Variants in CCNH observed in about 807,000 individuals in gnomAD.
CCNH encodes the protein cyclin-H.
In CCNH, 31 loss-of-function variants were observed where a neutral mutation model predicts 41.9. That is an observed-to-expected ratio of 0.74 (90% CI 0.56 to 1.00). The LOEUF (loss-of-function observed/expected upper bound fraction) is 1.00, where lower values mean the gene tolerates loss of function less well. Among genes scored for constraint, CCNH ranks in the 50% least tolerant of loss-of-function variants. The probability of loss-of-function intolerance (pLI) is 0.00; values close to 1 mark genes in which losing one functional copy is unlikely to be tolerated. For missense variants in CCNH, 362 were observed against 388.4 expected (o/e 0.93, Z 0.57); for synonymous variants, 138 against 136.1 (o/e 1.01, Z -0.10).
intron 9 of CCNH, among the ~76,000 whole-genome samples, chr5:87,360,344 G>T (rs867157261): frequency 6.6e-6 from 1 of 151,938 alleles, no homozygotes; most frequent in Non-Finnish European, 1.5e-5. Context: ...CAGGCTGGGC[G>T]AACTCCTGAC....
intron 9 of CCNH, among the ~76,000 whole-genome samples, chr5:87,353,714 G>C (rs574631087): frequency 6.6e-6 from 1 of 152,250 alleles, no homozygotes; most frequent in East Asian, 1.9e-4. Context: ...GTAAAGAGGA[G>C]AGTGAAGTTG....
intron 9 of CCNH, chr5:87,349,095 G>T: frequency 1.6e-6 from 2 of 1,228,738 alleles, no homozygotes; most frequent in Non-Finnish European, 1.1e-6. Context: ...AAAAAAACAA[G>T]TTCCTGGTGA....
chr5:87,385,233 A>C (rs1430450816), intron 9 of CCNH: 2 of 1,019,326 alleles, frequency 2.0e-6, no homozygotes, highest in African/African-American at 3.2e-5. Context: ...AAAGTGCTAA[A>C]TTTATAATGG....
chr5:87,325,962 G>GC (rs1002060064), intron 9 of CCNH, among the ~76,000 whole-genome samples: 5 of 151,984 alleles, frequency 3.3e-5, no homozygotes, highest in African/African-American at 1.2e-4. Context: ...ATATGCAGCA[G>GC]CCCCCCACCC....
rs1759331590 is a variant in CCNH at position 87,352,305 on chromosome 5, C to T, written c.*91-33408G>A. 3.3e-5 allele frequency among the ~76,000 whole-genome samples: 5 copies of T among 149,680 alleles called. No individual in the cohort carries two copies. The South Asian group carries it at 1.0e-3, about 31-fold the overall frequency. On this transcript the variant is annotated intron_variant and NMD_transcript_variant, in intron 9 of 9. Coordinates refer to the CCNH transcript ENST00000645953. Reference sequence around the variant, plus strand: ...AGGGAAGATAACATACTTGAAGATACACACACACACACATATATATTCTAA... The same window carrying T: ...AGGGAAGATAACATACTTGAAGATATACACACACACACATATATATTCTAA...
intron 7 of CCNH, among the ~76,000 whole-genome samples, chr5:87,397,202 G>C (rs1218637852): frequency 9.4e-5 from 14 of 149,152 alleles, no homozygotes; most frequent in Non-Finnish European, 3.0e-5. Flanking sequence ...TTGCTCTGTT[G>C]CCCAGGCTGG....
intron 9 of CCNH, among the ~76,000 whole-genome samples, chr5:87,319,579 C>T (rs1422444377): frequency 6.6e-6 from 1 of 152,158 alleles, no homozygotes; most frequent in African/African-American, 2.4e-5. Flanking sequence ...GCCACAGCCA[C>T]AGCTGGAGCT....
chr5:87,360,852 C>CTAAT (rs1760033935), intron 9 of CCNH, among the ~76,000 whole-genome samples: 1 of 152,132 alleles, frequency 6.6e-6, no homozygotes, highest in Admixed American at 6.5e-5. Flanking sequence ...TCTGATTTTT[C>CTAAT]TAATTGTCAA....
chr5:87,392,359 G>A, downstream of CCNH: 1 of 455,862 alleles, frequency 2.2e-6, no homozygotes, highest in South Asian at 1.5e-5. Flanking sequence ...TAACCTATGT[G>A]GCTTCAATCA....
intron 9 of CCNH, among the ~76,000 whole-genome samples, chr5:87,363,707 C>T (rs1480187277): frequency 6.6e-6 from 1 of 151,944 alleles, no homozygotes; most frequent in Non-Finnish European, 1.5e-5. Flanking sequence ...AAATCTTTGG[C>T]ATGACATTTC....
exon 1 of CCNH, chr5:87,376,306 G>A (rs762938712): frequency 2.3e-5 from 33 of 1,463,640 alleles, no homozygotes; most frequent in Non-Finnish European, 2.8e-5. Context: ...AACACCATAG[G>A]GAAGACTGAA....
At chr5:87,333,855 C>G (rs1000359888) in intron 9 of CCNH, among the ~76,000 whole-genome samples, 1 of 152,102 alleles carries the variant, frequency 6.6e-6, no homozygotes, top group Non-Finnish European at 1.5e-5. Flanking sequence ...TTAATTCTCT[C>G]ATTTAATTCT....
intron 9 of CCNH, among the ~76,000 whole-genome samples, chr5:87,354,420 G>C (rs1032767711): frequency 2.2e-4 from 34 of 152,172 alleles, no homozygotes; most frequent in African/African-American, 7.5e-4. Flanking sequence ...GTTGATCTGT[G>C]ATCAGTGATC....
intron 9 of CCNH, among the ~76,000 whole-genome samples, chr5:87,384,439 T>G (rs1198064153): frequency 1.3e-5 from 2 of 152,164 alleles, no homozygotes; most frequent in Non-Finnish European, 2.9e-5. Flanking sequence ...ATTTTTACCT[T>G]AATAATCTGA....
chr5:87,326,361 A>G (rs1415475102), intron 9 of CCNH, among the ~76,000 whole-genome samples: 2 of 152,160 alleles, frequency 1.3e-5, no homozygotes, highest in African/African-American at 4.8e-5. Flanking sequence ...CTTTTTTAAC[A>G]TGCAGTTTCA....
At position 87,349,998 on chromosome 5, in the gene CCNH, A is replaced by G. The variant is rs1224630318; in HGVS notation, c.*91-31101T>C. Among the ~76,000 whole-genome samples, 4 of 151,778 alleles carry G rather than the reference A, an allele frequency of 2.6e-5. No homozygotes were observed. The East Asian group carries it at 7.7e-4, about 29-fold the overall frequency. On this transcript the variant is annotated intron_variant and NMD_transcript_variant, in intron 9 of 9. Coordinates refer to the CCNH transcript ENST00000645953. Reference sequence around the variant, plus strand: ...CGTAAAGGTTTTCCTATAACTAATAACTCTCTATTTCCTATTTCAGAGGCT... The same window carrying G: ...CGTAAAGGTTTTCCTATAACTAATAGCTCTCTATTTCCTATTTCAGAGGCT...
At chr5:87,390,542 GAT>G (rs1762432995), downstream of CCNH, among the ~76,000 whole-genome samples, 1 of 152,028 alleles carries the variant, frequency 6.6e-6, no homozygotes, top group African/African-American at 2.4e-5. Context: ...GTGATAGTGT[GAT>G]AGTTCTGGCC....
At chr5:87,400,682 C>T (rs980465896) in intron 6 of CCNH, among the ~76,000 whole-genome samples, 7 of 152,140 alleles carry the variant, frequency 4.6e-5, no homozygotes, top group African/African-American at 1.4e-4. Context: ...AAAATGTATG[C>T]CCATTTACTG....
In CCNH at chr5:87,330,889, C is replaced by A. The variant is rs774525460; in HGVS notation, c.*91-11992G>T. 6.9e-6 allele frequency: 8 copies of A among 1,165,470 alleles called. No individual in the cohort carries two copies. In the South Asian group the frequency reaches 1.7e-4, roughly 25 times the overall value. 72.2% of individuals were successfully genotyped at this position (1,165,470 alleles called of 1,614,324 possible). On this transcript the variant is annotated intron_variant and NMD_transcript_variant, in intron 9 of 9. Coordinates refer to the CCNH transcript ENST00000645953. Reference sequence around the variant, plus strand: ...AGACAGTGTAATTCTGTTTTCCTGTCGCAGGGCACAAACACTAAAATGGAA... The same window carrying A: ...AGACAGTGTAATTCTGTTTTCCTGTAGCAGGGCACAAACACTAAAATGGAA...
Sources: gnomAD v4.1 joint callset for allele counts (sites outside exome capture counted in the v4.1 genomes callset) on GRCh38, gnomAD v4.1.1 for gene constraint, MANE v1.5 for transcripts, NCBI Gene and HGNC (gene_info 2026-07-23, HGNC 2026-07-21) for gene names.